The following SMTNL2 variants were observed in gnomAD, a reference collection of about 807,000 sequenced individuals.
The protein encoded by SMTNL2 is smoothelin like 2.
A neutral mutation model predicts 44.1 loss-of-function variants in SMTNL2; 43 were observed. The observed-to-expected ratio is 0.98, with a 90% CI of 0.76 to 1.26. The LOEUF (loss-of-function observed/expected upper bound fraction) is 1.26, where lower values mean the gene tolerates loss of function less well. SMTNL2 is among the 50% of genes most tolerant of loss of function. SMTNL2 has a pLI of 0.00. For missense variants in SMTNL2, 646 were observed against 670.2 expected (o/e 0.96, Z 0.40); for synonymous variants, 317 against 287.6 (o/e 1.10, Z -1.03).
chr17:4,594,920 G>A (rs778987784), intron 4 of SMTNL2: 45 of 608,586 alleles, frequency 7.4e-5, no homozygotes, highest in Non-Finnish European at 9.2e-5. Context: ...TGTCCAGATC[G>A]GGCCCAGCGT....
At chr17:4,591,909 G>A (rs1431007346) in intron 1 of SMTNL2, among the ~76,000 whole-genome samples, 4 of 152,238 alleles carry the variant, frequency 2.6e-5, no homozygotes, top group African/African-American at 7.2e-5. Context: ...ATCGTGATCA[G>A]GGCTCCGTAG....
Position 4,600,016 on chromosome 17 carries a change from G to A in SMTNL2, c.1259+2693G>A, listed in dbSNP as rs1360352541. Among the ~76,000 whole-genome samples the A allele has an allele frequency of 5.3e-5, 8 of 152,190 alleles. No individual in the cohort carries two copies. Among genetic ancestry groups the A allele is most frequent in the African/African-American group, 1.9e-4 (8 of 41,438 alleles). On this transcript the variant is annotated intron_variant, in intron 7 of 7. Transcript: ENST00000389313. The surrounding 1 kb of genome is among the most constrained non-coding windows in gnomAD (Gnocchi z 4.7). Reference sequence around the variant, plus strand: ...CTTTTCTGCTGACTCGAGGGCGTGGGGAGGGGCGTCCACCGCAGGCCTGTG... The same window carrying A: ...CTTTTCTGCTGACTCGAGGGCGTGGAGAGGGGCGTCCACCGCAGGCCTGTG...
At chr17:4,587,481 G>A (rs1909389409) in intron 1 of SMTNL2, among the ~76,000 whole-genome samples, 1 of 152,202 alleles carries the variant, frequency 6.6e-6, no homozygotes. Flanking sequence ...CAAGAGCTTG[G>A]TCACACTCAA....
rs376604577 is a variant in SMTNL2 at position 4,593,148 on chromosome 17, C to T, written c.707C>T (p.Thr236Met). 1.4e-5 allele frequency: 22 copies of T among 1,608,090 alleles called. No homozygotes were observed. The highest frequency in any genetic ancestry group is 6.7e-5 in the African/African-American group (5 of 74,960). The change falls in exon 3 of 8, where the codon ACG becomes ATG. Residue 236 changes from threonine (T) to methionine (M), a missense_variant. Thr to Met is a moderately conservative substitution (Grantham distance 81). Coordinates refer to ENST00000389313, the MANE Select transcript of SMTNL2 (RefSeq NM_001114974.2). The part of the protein sequence containing the change: ...GLNPSPSEVI[T>M]PWTPSPSEKN... The stretch of plus-strand genomic sequence containing the variant: ...AACCCAAGCCCCAGCGAGGTCATCA[C>T]GCCCTGGACTCCCAGTCCTAGCGGT...
intron 7 of SMTNL2, among the ~76,000 whole-genome samples, chr17:4,597,962 G>C (rs904940828): frequency 2.0e-5 from 3 of 152,304 alleles, no homozygotes; most frequent in African/African-American, 7.2e-5. Flanking sequence ...CTGTCTGCCA[G>C]GGCTCCAGCG....
rs1318866139 is a variant in SMTNL2, at chr17:4,595,989, ACG to A, written c.989+665_989+666del. Among the ~76,000 whole-genome samples, 1 of 138,498 alleles carries A rather than the reference ACG, an allele frequency of 7.2e-6. No individual in the cohort carries two copies. Among genetic ancestry groups the A allele is most frequent in the African/African-American group, 2.8e-5 (1 of 35,532 alleles). 90.9% of individuals were successfully genotyped at this position (138,498 alleles called of 152,430 possible). A position where few individuals can be genotyped will look rare whatever the true frequency, so the allele number is the denominator to read the frequency against. On this transcript the variant is annotated intron_variant, in intron 5 of 7. Transcript: ENST00000389313. The surrounding 1 kb of genome is among the most constrained non-coding windows in gnomAD (Gnocchi z 5.1). ...GTCTGCTGTGTGCAGGGTGTGGCCC[ACG>A]CGTGGTATTGATGCCTGCTGTGTGC... is the stretch of plus-strand genomic sequence containing the variant.
In SMTNL2 at chr17:4,596,996, C is replaced by T. The variant is rs891085309; in HGVS notation, c.1107+19C>T. ...CTACCAGGTGAGCCCCGGCTCCCCT[C>T]CGGCTGCTGGGACGCCCCAGCTAAA... On this transcript the variant is annotated intron_variant, in intron 6 of 7. Coordinates refer to ENST00000389313, the MANE Select transcript of SMTNL2 (RefSeq NM_001114974.2). 21 of 1,485,578 alleles carry T rather than the reference C, an allele frequency of 1.4e-5. No individual in the cohort carries two copies. The highest frequency in any genetic ancestry group is 4.6e-5 in the Admixed American group (2 of 43,152). 92.0% of individuals were successfully genotyped at this position (1,485,578 alleles called of 1,614,324 possible).
In SMTNL2 at chr17:4,593,001, GC is replaced by G; in HGVS notation, c.562del (p.Leu188SerfsTer74). On this transcript the variant is annotated frameshift_variant, in exon 3 of 8. Coordinates refer to ENST00000389313, the MANE Select transcript of SMTNL2 (RefSeq NM_001114974.2). LOFTEE classifies it high-confidence loss of function. ...GATCCCCCCAGGCCTCGTCCTGTGA[GC>G]CTCTCCTTGCGGCTGCCCCACCAGC... ...APDPPRPRPV[S>X]LSLRLPHQPV... 6.2e-7 allele frequency: 1 copy of G among 1,614,012 alleles called. No individual in the cohort carries two copies.
chr17:4,589,868 C>T (rs1909497628), intron 1 of SMTNL2, among the ~76,000 whole-genome samples: 1 of 148,870 alleles, frequency 6.7e-6, no homozygotes. Context: ...TTTGCTGAAC[C>T]CAATGGATGC....
chr17:4,595,323 G>C lies in SMTNL2; in HGVS notation c.985G>C (p.Gly329Arg), dbSNP rs200662336. 6.2e-7 allele frequency: 1 copy of C among 1,611,870 alleles called. No individual in the cohort carries two copies. The highest frequency in any genetic ancestry group is 1.1e-5 in the South Asian group (1 of 90,980). ...GAAGTGGGAGCAGGAAACGGCGGCC[G>C]GCAAGTACGGATGCCCACTCACAGA... is the stretch of plus-strand genomic sequence containing the variant. The part of the protein sequence containing the change: ...FEKWEQETAA[G>R]KGKGEARARL... The change falls in exon 5 of 8, where the codon GGC becomes CGC. Residue 329 changes from glycine to arginine, a missense_variant. Physicochemically the swap from Gly to Arg is moderately radical, Grantham distance 125. Transcript: ENST00000389313. The surrounding 1 kb of genome is among the most constrained non-coding windows in gnomAD (Gnocchi z 5.1).
At chr17:4,606,369 G>A (rs1380699239) in intron 7 of SMTNL2, among the ~76,000 whole-genome samples, 1 of 151,658 alleles carries the variant, frequency 6.6e-6, no homozygotes, top group Non-Finnish European at 1.5e-5. Context: ...TGACCCGCCT[G>A]CCTCGGCCTC....
intron 7 of SMTNL2, among the ~76,000 whole-genome samples, chr17:4,605,736 G>A (rs1490396774): frequency 6.6e-6 from 1 of 152,158 alleles, no homozygotes; most frequent in African/African-American, 2.4e-5. Context: ...CTGAAGGAAG[G>A]GCACTGACAA....
chr17:4,593,792 T>A (rs1489262723), intron 3 of SMTNL2, 30 bp from the exon 4 acceptor site: 1 of 1,609,880 alleles, frequency 6.2e-7, no homozygotes, highest in Admixed American at 1.7e-5. Context: ...GGGCCAGGGT[T>A]TGTTACTTCT....
intron 7 of SMTNL2, among the ~76,000 whole-genome samples, chr17:4,604,900 GCC>G (rs1446265018): frequency 6.6e-6 from 1 of 151,886 alleles, no homozygotes. Context: ...GGAACTCCTG[GCC>G]TCAGGCAATC....
chr17:4,604,494 T>C (rs973716563), intron 7 of SMTNL2, among the ~76,000 whole-genome samples: 1 of 152,004 alleles, frequency 6.6e-6, no homozygotes, highest in Non-Finnish European at 1.5e-5. Flanking sequence ...GCCGCGTGAG[T>C]CCTGGTAGAA....
chr17:4,594,211 GGTT>G (rs1909706256), intron 4 of SMTNL2, among the ~76,000 whole-genome samples: 1 of 152,196 alleles, frequency 6.6e-6, no homozygotes, highest in Admixed American at 6.5e-5. Context: ...CACTTTGGGA[GGTT>G]GAGGTGGGTG....
At chr17:4,589,738 C>T (rs1174808883) in intron 1 of SMTNL2, among the ~76,000 whole-genome samples, 5 of 152,014 alleles carry the variant, frequency 3.3e-5, no homozygotes, top group Non-Finnish European at 4.4e-5. Flanking sequence ...CCCCTGGCTT[C>T]GCTCAGGGCT....
intron 7 of SMTNL2, among the ~76,000 whole-genome samples, chr17:4,601,400 G>T (rs749157787): frequency 8.6e-6 from 1 of 116,868 alleles, no homozygotes; most frequent in Non-Finnish European, 1.8e-5. Context: ...GGGCAACAGA[G>T]TGAGACCTCA....
In SMTNL2 at chr17:4,592,218, C is replaced by T. The variant is rs571729367; in HGVS notation, c.400-143C>T. Reference sequence around the variant, plus strand: ...CCAGCTTTTGCTGTGTGACTTGGCCCGTCACTTTCTTCCTGGGGGCTGTTT... The same window carrying T: ...CCAGCTTTTGCTGTGTGACTTGGCCTGTCACTTTCTTCCTGGGGGCTGTTT... On this transcript the variant is annotated intron_variant, in intron 1 of 7. Transcript: ENST00000389313. This position sits in a 1 kb window ranked among gnomAD's most constrained non-coding sequence, Gnocchi z 4.5. The T allele has an allele frequency of 6.1e-5, 47 of 768,424 alleles. No homozygotes were observed. The highest frequency in any genetic ancestry group is 4.0e-4 in the African/African-American group (23 of 56,970). 47.6% of individuals were successfully genotyped at this position (768,424 alleles called of 1,614,324 possible). A position where few individuals can be genotyped will look rare whatever the true frequency, so the allele number is the denominator to read the frequency against.
Sources: gnomAD v4.1 joint callset for allele counts (sites outside exome capture counted in the v4.1 genomes callset) on GRCh38, gnomAD v4.1.1 for gene constraint, Gnocchi (gnomAD v3.1) non-coding constraint, MANE v1.5 for transcripts, NCBI Gene and HGNC (gene_info 2026-07-23, HGNC 2026-07-21) for gene names.